RFX7: variants seen among roughly 807,000 people sequenced by gnomAD.
The protein encoded by RFX7 is DNA-binding protein RFX7.
Under a neutral mutation model 111.8 loss-of-function variants are expected in RFX7, and 26 were observed. The ratio of observed to expected loss-of-function variants is 0.23; its 90% confidence interval spans 0.17 to 0.32. The LOEUF (loss-of-function observed/expected upper bound fraction) is 0.32, where lower values mean the gene tolerates loss of function less well. Ranked by LOEUF, RFX7 falls within the 10% of genes least tolerant of loss-of-function variation. The pLI is 1.00. For missense variants in RFX7, 1,573 were observed against 1,772.9 expected (o/e 0.89, Z 2.02); for synonymous variants, 624 against 624.4 (o/e 1.00, Z 0.01).
At chr15:56,233,113 C>T (rs12592899) in intron 2 of RFX7, among the ~76,000 whole-genome samples, 19,817 of 152,082 alleles carry the variant, frequency 0.13, 1,693 homozygotes, top group East Asian at 0.44. Context: ...GTTTTCACAC[C>T]GTTGATAAAG....
At chr15:56,198,302 G>A (rs1471272789) in intron 2 of RFX7, among the ~76,000 whole-genome samples, 1 of 151,998 alleles carries the variant, frequency 6.6e-6, no homozygotes, top group Non-Finnish European at 1.5e-5. Context: ...AAAAGAATGG[G>A]ACCTAGAATG....
rs1307725552 is a variant in RFX7, at chr15:56,095,512, A to T, written c.2216T>A (p.Ile739Asn). Reference protein sequence around the residue: ...NQPLNSSALVISDSALEQQTT... With the variant: ...NQPLNSSALVNSDSALEQQTT... ...TTGCTGTTCCAAAGCTGAATCACTG[A>T]TAACAAGGGCAGAGGAATTCAAGGG... Residue 739 changes from isoleucine to asparagine, a missense_variant, in exon 10 of 10, where the codon ATC (isoleucine) becomes AAC (asparagine). By Grantham distance (149) the Ile-to-Asn change is moderately radical. Coordinates refer to ENST00000559447, the MANE Select transcript of RFX7 (RefSeq NM_022841.7). The T allele has an allele frequency of 6.2e-7, 1 of 1,613,324 alleles. No homozygotes were observed. The highest frequency in any genetic ancestry group is 2.2e-5 in the East Asian group (1 of 44,886).
chr15:56,174,573 C>A (rs190663540), intron 3 of RFX7, among the ~76,000 whole-genome samples: 68 of 152,006 alleles, frequency 4.5e-4, no homozygotes, highest in South Asian at 2.5e-3. Context: ...ATGGTGAAAC[C>A]CTGTCTCTAC....
rs2041577335 is a variant in RFX7, at chr15:56,090,054, C to G, written c.*3291G>C. ...TTGCAGGAGCTGACATTTCTGGCTA[C>G]TTCGGCCTGCTTCCAGACCTGTAGC... On this transcript the variant is annotated 3_prime_UTR_variant, in exon 10 of 10. Transcript: ENST00000559447. The G allele has an allele frequency of 6.6e-6, 1 of 152,196 alleles. No individual in the cohort carries two copies. 9.4% of individuals were successfully genotyped at this position (152,196 alleles called of 1,614,324 possible). A position where few individuals can be genotyped will look rare whatever the true frequency, so the allele number is the denominator to read the frequency against.
intron 2 of RFX7, among the ~76,000 whole-genome samples, chr15:56,205,037 C>A (rs374856435): frequency 6.6e-6 from 1 of 152,160 alleles, no homozygotes; most frequent in Non-Finnish European, 1.5e-5. Context: ...GTATTTTCCC[C>A]TAAGAAAGAA....
At chr15:56,138,614 C>T (rs1278984086) in intron 5 of RFX7, among the ~76,000 whole-genome samples, 2 of 152,020 alleles carry the variant, frequency 1.3e-5, no homozygotes, top group Admixed American at 6.6e-5. Context: ...AGCCCATTTA[C>T]ATTTAAAGTT....
At chr15:56,174,513 C>G (rs571944032) in intron 3 of RFX7, among the ~76,000 whole-genome samples, 1 of 151,938 alleles carries the variant, frequency 6.6e-6, no homozygotes, top group East Asian at 1.9e-4. Flanking sequence ...CTTTGGGAGG[C>G]GAAGGTAGGC....
intron 3 of RFX7, among the ~76,000 whole-genome samples, chr15:56,152,954 A>G (rs2042595026): frequency 6.6e-6 from 1 of 152,196 alleles, no homozygotes; most frequent in African/African-American, 2.4e-5. Context: ...AAACTGGAAA[A>G]TCTAGAAGAA....
chr15:56,209,105 A>C (rs2043285310), intron 2 of RFX7, among the ~76,000 whole-genome samples: 1 of 152,038 alleles, frequency 6.6e-6, no homozygotes, highest in Non-Finnish European at 1.5e-5. Flanking sequence ...CAAAACAAAC[A>C]AAAAAACTAT....
chr15:56,100,859 A>AT (rs1183187910), intron 8 of RFX7, among the ~76,000 whole-genome samples: 1 of 152,226 alleles, frequency 6.6e-6, no homozygotes, highest in African/African-American at 2.4e-5. Flanking sequence ...CACTCTTGTT[A>AT]TTTTTTAGTA....
At chr15:56,188,105 A>G (rs2043060819) in intron 2 of RFX7, among the ~76,000 whole-genome samples, 1 of 152,150 alleles carries the variant, frequency 6.6e-6, no homozygotes, top group Non-Finnish European at 1.5e-5. Flanking sequence ...GGGAAATCTC[A>G]GCTGAAAAAT....
intron 5 of RFX7, among the ~76,000 whole-genome samples, chr15:56,108,728 A>C (rs1163241814): frequency 1.2e-4 from 19 of 152,216 alleles, no homozygotes; most frequent in African/African-American, 4.6e-4. Context: ...AAGAAAGGAT[A>C]TTTAAATAGG....
chr15:56,240,290 C>A (rs2141246498), intron 2 of RFX7, among the ~76,000 whole-genome samples: 1 of 152,090 alleles, frequency 6.6e-6, no homozygotes, highest in Non-Finnish European at 1.5e-5. Context: ...AAGAAACATG[C>A]AAGCTTGTTA....
At chr15:56,126,750 G>T (rs2042150870) in intron 5 of RFX7, among the ~76,000 whole-genome samples, 1 of 152,048 alleles carries the variant, frequency 6.6e-6, no homozygotes, top group Non-Finnish European at 1.5e-5. Flanking sequence ...AAAAGAACTG[G>T]AGGGCTGTAC....
At position 56,096,551 on chromosome 15, in the gene RFX7, G is replaced by A. The variant is rs764046056; in HGVS notation, c.1177C>T (p.Leu393Phe). ...MSSSDGKVLPLNVQVVTQHMQ... is the reference protein window; with the variant it reads ...MSSSDGKVLPFNVQVVTQHMQ... ...TGCTGAGTGACCACCTGTACATTGA[G>A]GGGAAGAACTTTGCCGTCAGAAGAA... The change falls in exon 10 of 10, where the codon CTC (leucine) becomes TTC (phenylalanine). Residue 393 changes from leucine to phenylalanine, a missense_variant. Coordinates refer to ENST00000559447, the MANE Select transcript of RFX7 (RefSeq NM_022841.7). 25 of 1,600,812 alleles carry A rather than the reference G, an allele frequency of 1.6e-5. No individual in the cohort carries two copies. The highest frequency in any genetic ancestry group is 1.0e-4 in the Admixed American group (6 of 57,802).
intron 2 of RFX7, among the ~76,000 whole-genome samples, chr15:56,180,487 A>AT (rs1484531868): frequency 2.0e-5 from 3 of 152,086 alleles, no homozygotes; most frequent in Non-Finnish European, 4.4e-5. Flanking sequence ...AACTTGTACT[A>AT]TTTTTTCTCT....
At chr15:56,230,841 TC>T (rs1200646816) in intron 2 of RFX7, among the ~76,000 whole-genome samples, 1 of 152,148 alleles carries the variant, frequency 6.6e-6, no homozygotes, top group East Asian at 1.9e-4. Context: ...ACGCCTGTAA[TC>T]CCAGCATTTT....
chr15:56,142,408 G>A (rs1024505533), intron 5 of RFX7, among the ~76,000 whole-genome samples: 2 of 151,388 alleles, frequency 1.3e-5, no homozygotes, highest in East Asian at 3.9e-4. Context: ...TCATGTTTTA[G>A]TTTCGCCTTA....
At chr15:56,159,903 G>C (rs2042701144) in intron 3 of RFX7, among the ~76,000 whole-genome samples, 1 of 152,144 alleles carries the variant, frequency 6.6e-6, no homozygotes, top group South Asian at 2.1e-4. Flanking sequence ...TAAATGGAGA[G>C]ATCTGCTCCT....
Sources: gnomAD v4.1 joint callset for allele counts (sites outside exome capture counted in the v4.1 genomes callset) on GRCh38, gnomAD v4.1.1 for gene constraint, MANE v1.5 for transcripts, NCBI Gene and HGNC (gene_info 2026-07-23, HGNC 2026-07-21) for gene names.